Variants in OPCML observed in about 807,000 individuals in gnomAD.
OPCML encodes the protein opioid binding protein/cell adhesion molecule like.
Under a neutral mutation model 37.8 loss-of-function variants are expected in OPCML, and 13 were observed. The ratio of observed to expected loss-of-function variants is 0.34; its 90% confidence interval spans 0.22 to 0.55. The LOEUF (loss-of-function observed/expected upper bound fraction) is 0.55. Among genes scored for constraint, OPCML ranks in the 20% least tolerant of loss-of-function variants. OPCML has a pLI of 0.91. For missense variants in OPCML, 341 were observed against 435.6 expected (o/e 0.78, Z 1.93); for synonymous variants, 176 against 168.8 (o/e 1.04, Z -0.33).
intron 1 of OPCML, chr11:133,422,311 A>G: frequency 1.0e-6 from 1 of 983,594 alleles, no homozygotes; most frequent in Non-Finnish European, 1.2e-6. Context: ...CAAGAATTCC[A>G]TAATTCTTTT....
intron 1 of OPCML, among the ~76,000 whole-genome samples, chr11:133,474,315 T>C (rs1258588992): frequency 6.6e-6 from 1 of 152,156 alleles, no homozygotes; most frequent in Non-Finnish European, 1.5e-5. Context: ...GTAACACACA[T>C]TGTAAAAATC....
At chr11:132,978,566 G>A (rs1409058719) in intron 1 of OPCML, among the ~76,000 whole-genome samples, 1 of 152,142 alleles carries the variant, frequency 6.6e-6, no homozygotes, top group Non-Finnish European at 1.5e-5. Flanking sequence ...GGGTCTGCAA[G>A]GTGTGGCTCT....
At chr11:132,536,845 T>G (rs1356131929) in intron 3 of OPCML, among the ~76,000 whole-genome samples, 1 of 152,224 alleles carries the variant, frequency 6.6e-6, no homozygotes, top group Non-Finnish European at 1.5e-5. Context: ...AGGAGCAGAT[T>G]CTGAATATTT....
At chr11:132,754,809 G>C (rs1198906561) in intron 2 of OPCML, among the ~76,000 whole-genome samples, 1 of 152,100 alleles carries the variant, frequency 6.6e-6, no homozygotes, top group East Asian at 1.9e-4. Flanking sequence ...GTGAAAGGAA[G>C]ACCTCAAGCA....
At chr11:132,997,223 C>T (rs1435960356) in intron 1 of OPCML, among the ~76,000 whole-genome samples, 1 of 152,210 alleles carries the variant, frequency 6.6e-6, no homozygotes, top group Non-Finnish European at 1.5e-5. Flanking sequence ...ATGAGTCACA[C>T]ATATCTTGCT....
chr11:133,270,440 A>T lies in OPCML; in HGVS notation c.61+261824T>A, dbSNP rs193211128. On this transcript the variant is annotated intron_variant, in intron 1 of 7. Transcript: ENST00000524381. ...CAAATGATCCCTCTGGTCTCCTCCA[A>T]GTCTTAAATTCTCTATTTCTCTGAT... Among the ~76,000 whole-genome samples, 5 of 152,300 alleles carry T rather than the reference A, an allele frequency of 3.3e-5. 1 individual carries two copies. The highest frequency in any genetic ancestry group is 2.6e-4 in the Admixed American group (4 of 15,296).
chr11:133,318,679 C>T (rs1483571627), intron 1 of OPCML, among the ~76,000 whole-genome samples: 4 of 152,296 alleles, frequency 2.6e-5, no homozygotes, highest in Admixed American at 6.5e-5. Flanking sequence ...CTAGTTCACC[C>T]TGTCGCATTT....
chr11:133,390,181 G>A (rs1399324833), intron 1 of OPCML, among the ~76,000 whole-genome samples: 1 of 152,212 alleles, frequency 6.6e-6, no homozygotes, highest in Non-Finnish European at 1.5e-5. Flanking sequence ...GCTACAGGCC[G>A]AACGCGGTGG....
chr11:132,639,618 C>T (rs1186048429), intron 3 of OPCML, among the ~76,000 whole-genome samples: 2 of 152,270 alleles, frequency 1.3e-5, no homozygotes, highest in South Asian at 4.1e-4. Context: ...GTTTGCAGGC[C>T]GACTAAATGT....
chr11:133,257,437 C>A (rs1941348736), intron 1 of OPCML, among the ~76,000 whole-genome samples: 1 of 152,192 alleles, frequency 6.6e-6, no homozygotes, highest in South Asian at 2.1e-4. Flanking sequence ...TAATAGGAAT[C>A]ACGCTGCATT....
chr11:132,420,215 G>A lies in OPCML; in HGVS notation c.995C>T (p.Ala332Val), dbSNP rs898932537. The A allele has an allele frequency of 6.2e-7, 1 of 1,613,830 alleles. No homozygotes were observed. Among genetic ancestry groups the A allele is most frequent in the Admixed American group, 1.7e-5 (1 of 59,988 alleles). The part of the protein sequence containing the change: ...ACLWLSGTLL[A>V]HFFIKF ...TTATCAAAACTTGATGAAGAAGTGG[G>A]CTAAGAGGGTCCCTGATAGCCAGAG... The change falls in exon 8 of 8, where the codon GCC (alanine) becomes GTC (valine). Residue 332 changes from alanine (A) to valine (V), a missense_variant. Physicochemically the swap from Ala to Val is moderately conservative, Grantham distance 64. Transcript: ENST00000524381.
At chr11:132,427,157 A>G (rs2095980281) in intron 7 of OPCML, among the ~76,000 whole-genome samples, 1 of 151,516 alleles carries the variant, frequency 6.6e-6, no homozygotes, top group Non-Finnish European at 1.5e-5. Context: ...AAAAGAAAAG[A>G]AAAAAAAAGC....
chr11:132,463,824 G>T (rs1193186042), intron 4 of OPCML, among the ~76,000 whole-genome samples: 1 of 152,182 alleles, frequency 6.6e-6, no homozygotes, highest in East Asian at 1.9e-4. Flanking sequence ...TGTCTGAAAT[G>T]CTGATAGGTT....
chr11:133,335,444 G>T (rs1436524720), intron 1 of OPCML, among the ~76,000 whole-genome samples: 1 of 152,140 alleles, frequency 6.6e-6, no homozygotes, highest in African/African-American at 2.4e-5. Context: ...CCTGGACTGC[G>T]TCACCCCTGG....
At chr11:133,247,389 C>T (rs1387051643) in intron 1 of OPCML, among the ~76,000 whole-genome samples, 1 of 152,106 alleles carries the variant, frequency 6.6e-6, no homozygotes, top group African/African-American at 2.4e-5. Flanking sequence ...AAATATTTAG[C>T]AAAGATACAC....
intron 4 of OPCML, among the ~76,000 whole-genome samples, chr11:132,473,279 T>C (rs765454317): frequency 2.3e-4 from 35 of 152,130 alleles, no homozygotes; most frequent in Non-Finnish European, 5.0e-4. Context: ...AGAAAATCAA[T>C]TGAAGGACAG....
chr11:132,443,236 C>T (rs1243380470), intron 4 of OPCML, among the ~76,000 whole-genome samples: 1 of 152,112 alleles, frequency 6.6e-6, no homozygotes, highest in Admixed American at 6.5e-5. Context: ...GAGATGAGAG[C>T]AGTGAGGAGG....
intron 1 of OPCML, among the ~76,000 whole-genome samples, chr11:133,105,229 A>G (rs1949139143): frequency 6.6e-6 from 1 of 152,204 alleles, no homozygotes; most frequent in Admixed American, 6.5e-5. Context: ...TTCAGACAAC[A>G]ATTAATTATG....
Position 132,552,763 on chromosome 11 carries a change from C to CTTTTTTTTTTTTTTTTTTTTTTTTTTTT in OPCML, c.380-23578_380-23577insAAAAAAAAAAAAAAAAAAAAAAAAAAAA, listed in dbSNP as rs562056846. ...TAGTCAAACTAAATTAAACACTACT[C>CTTTTTTTTTTTTTTTTTTTTTTTTTTTT]TTTTTTTTTTTTTTTTGAGACCGAG... On this transcript the variant is annotated intron_variant, in intron 3 of 7. Transcript: ENST00000524381. Among the ~76,000 whole-genome samples the CTTTTTTTTTTTTTTTTTTTTTTTTTTTT allele has an allele frequency of 1.3e-3, 116 of 92,766 alleles. 25 individuals carry two copies. The highest frequency in any genetic ancestry group is 3.2e-3 in the South Asian group (8 of 2,520). 60.9% of individuals were successfully genotyped at this position (92,766 alleles called of 152,430 possible).
Sources: gnomAD v4.1 joint callset for allele counts (sites outside exome capture counted in the v4.1 genomes callset) on GRCh38, gnomAD v4.1.1 for gene constraint, MANE v1.5 for transcripts, NCBI Gene and HGNC (gene_info 2026-07-23, HGNC 2026-07-21) for gene names.